DNMBP: variants seen among roughly 807,000 people sequenced by gnomAD.
The protein encoded by DNMBP is dynamin binding protein, also known as dynamin-binding protein.
In DNMBP, 87 loss-of-function variants were observed where a neutral mutation model predicts 150.0. That is an observed-to-expected ratio of 0.58 (90% confidence interval 0.49 to 0.69). The LOEUF is 0.69. Ranked by LOEUF, DNMBP falls within the 30% of genes least tolerant of loss-of-function variation. DNMBP has a pLI of 0.00. For missense variants in DNMBP, 1,774 were observed against 1,949.0 expected, an observed-to-expected ratio of 0.91 and a Z score of 1.69; for synonymous variants, 711 against 750.4, an observed-to-expected ratio of 0.95 and a Z score of 0.86.
Position 99,956,176 on chromosome 10 carries a change from A to C in DNMBP, c.1298T>G (p.Val433Gly). 3 of 1,614,104 alleles carry C rather than the reference A, an allele frequency of 1.9e-6. No individual in the cohort carries two copies. The highest frequency in any genetic ancestry group is 2.5e-6 in the Non-Finnish European group (3 of 1,180,020). The change falls in exon 4 of 17, where the codon GTG becomes GGG. Residue 433 changes from valine (V) to glycine (G), a missense_variant. Physicochemically the swap from Val to Gly is moderately radical, Grantham distance 109. Coordinates refer to ENST00000324109, the MANE Select transcript of DNMBP (RefSeq NM_015221.4). ...TTCTGAGTGCGGGTGGCTCCCTCCC[A>C]CTGTAGAATAATACTGGCTTTTCTG... ...NLQKSQYYST[V>G]GGSHPHSEQY...
At chr10:99,891,609 G>A (rs2039562659) in intron 11 of DNMBP, among the ~76,000 whole-genome samples, 3 of 151,658 alleles carry the variant, frequency 2.0e-5, no homozygotes, top group Admixed American at 1.3e-4. Flanking sequence ...TCTGGGAAGT[G>A]AGGAGTGTCT....
intron 4 of DNMBP, chr10:99,930,848 G>A: frequency 1.7e-6 from 1 of 593,294 alleles, no homozygotes; most frequent in Non-Finnish European, 3.0e-6. Flanking sequence ...CTAGCCTAAG[G>A]CTGGATTTGT....
intron 10 of DNMBP, 65 bp from the exon 11 acceptor site, chr10:99,895,115 T>C: frequency 1.1e-6 from 1 of 896,688 alleles, no homozygotes; most frequent in Non-Finnish European, 1.7e-6. Context: ...CTGGCAAAAG[T>C]AGCTTGCTTT....
At chr10:99,915,108 A>AAAAAATAT (rs10654940) in intron 4 of DNMBP, among the ~76,000 whole-genome samples, 2,706 of 99,470 alleles carry the variant, frequency 0.027, 60 homozygotes, top group South Asian at 0.062. Flanking sequence ...AAAAAAAAAA[A>AAAAAATAT]ATATATATAT....
At chr10:99,972,478 C>T (rs1487345085) in intron 1 of DNMBP, among the ~76,000 whole-genome samples, 1 of 152,152 alleles carries the variant, frequency 6.6e-6, no homozygotes, top group East Asian at 1.9e-4. Flanking sequence ...ACCATGTTGC[C>T]CAGGCTGGTC....
chr10:99,899,394 G>C (rs543170318), intron 7 of DNMBP, among the ~76,000 whole-genome samples: 1 of 152,180 alleles, frequency 6.6e-6, no homozygotes, highest in Non-Finnish European at 1.5e-5. Flanking sequence ...TTGAGGTCAG[G>C]AGTTTGAGAC....
rs116090234 is a variant in DNMBP at position 99,939,110 on chromosome 10, G to T, written c.2260+16104C>A. Among the ~76,000 whole-genome samples the T allele has an allele frequency of 8.1e-3, 1,225 of 151,490 alleles. 16 individuals carry two copies. The highest frequency in any genetic ancestry group is 0.028 in the African/African-American group (1,172 of 41,320). ...GAAGAAGGGTAAAGGAAAAAAGGGA[G>T]AAAAGTGTGCCAAAAAAAAAAAGAG... On this transcript the variant is annotated intron_variant, in intron 4 of 16. Transcript: ENST00000324109.
In DNMBP at chr10:99,889,307, C is replaced by CTCAAG. The variant is rs1186026651; in HGVS notation, c.3157-359_3157-355dup. 6 of 165,008 alleles carry CTCAAG rather than the reference C, an allele frequency of 3.6e-5. No individual in the cohort carries two copies. The Admixed American group carries it at 3.7e-4, about 10-fold the overall frequency. The allele number at this position is 165,008 out of a possible 1,614,324, so 10.2% of individuals were successfully genotyped here. On this transcript the variant is annotated intron_variant, in intron 11 of 16. Coordinates refer to ENST00000324109, the MANE Select transcript of DNMBP (RefSeq NM_015221.4). ...GATAATGACCAGTCACCTCTCCTTCCTCAAGTCTTGGTTCATGCTGTCGCC... is the reference window on the plus strand; with the variant it reads ...GATAATGACCAGTCACCTCTCCTTCCTCAAGTCAAGTCTTGGTTCATGCTGTCGCC...
intron 15 of DNMBP, among the ~76,000 whole-genome samples, chr10:99,883,201 A>G (rs1191154901): frequency 6.6e-6 from 1 of 152,198 alleles, no homozygotes; most frequent in Non-Finnish European, 1.5e-5. Context: ...ACAGATCAGT[A>G]TTATCCCTTG....
chr10:99,975,517 T>C (rs925982838), intron 1 of DNMBP, among the ~76,000 whole-genome samples: 1 of 152,182 alleles, frequency 6.6e-6, no homozygotes, highest in Non-Finnish European at 1.5e-5. Context: ...CAAGCAAAAG[T>C]AGGTTATCTT....
chr10:99,922,948 T>C (rs1019649259), intron 4 of DNMBP, among the ~76,000 whole-genome samples: 1 of 152,182 alleles, frequency 6.6e-6, no homozygotes, highest in African/African-American at 2.4e-5. Context: ...TCTTGACACT[T>C]TGAGGATCTT....
At chr10:100,006,226 G>C (rs1162797412) in intron 1 of DNMBP, among the ~76,000 whole-genome samples, 1 of 152,176 alleles carries the variant, frequency 6.6e-6, no homozygotes, top group African/African-American at 2.4e-5. Context: ...GACTGAAAAA[G>C]ACCTGATTAC....
At chr10:100,007,189 TATAC>T (rs1269963709) in intron 1 of DNMBP, among the ~76,000 whole-genome samples, 5 of 151,858 alleles carry the variant, frequency 3.3e-5, no homozygotes, top group Non-Finnish European at 7.4e-5. Flanking sequence ...CTACCACACA[TATAC>T]ATACACACAC....
At chr10:99,904,245 A>G (rs1026782597) in intron 6 of DNMBP, among the ~76,000 whole-genome samples, 1 of 151,838 alleles carries the variant, frequency 6.6e-6, no homozygotes, top group African/African-American at 2.4e-5. Context: ...ATAGCGTGAG[A>G]CTGTCTCGAA....
intron 3 of DNMBP, among the ~76,000 whole-genome samples, chr10:99,959,440 T>A (rs2040537088): frequency 6.6e-6 from 1 of 152,058 alleles, no homozygotes; most frequent in Admixed American, 6.5e-5. Context: ...GAGCCATGGC[T>A]GTGCTACTTG....
At chr10:100,007,686 A>G (rs1398528311) in intron 1 of DNMBP, among the ~76,000 whole-genome samples, 1 of 152,254 alleles carries the variant, frequency 6.6e-6, no homozygotes, top group Non-Finnish European at 1.5e-5. Flanking sequence ...TGCCTTTCAT[A>G]GCAGGGAGGA....
chr10:99,921,954 G>A (rs1387937279), intron 4 of DNMBP, among the ~76,000 whole-genome samples: 1 of 148,732 alleles, frequency 6.7e-6, no homozygotes, highest in East Asian at 2.0e-4. Context: ...GTGATGTTTT[G>A]GATTCAATGA....
At chr10:99,989,621 G>A (rs1458735612) in intron 1 of DNMBP, among the ~76,000 whole-genome samples, 2 of 152,190 alleles carry the variant, frequency 1.3e-5, no homozygotes, top group African/African-American at 4.8e-5. Flanking sequence ...TGAGACAGGA[G>A]AATCACTTGA....
chr10:99,877,103 G>A lies in DNMBP; in HGVS notation c.*48C>T. 1.4e-6 allele frequency: 2 copies of A among 1,390,710 alleles called. No individual in the cohort carries two copies. Among genetic ancestry groups the A allele is most frequent in the East Asian group, 2.7e-5 (1 of 37,448 alleles). 86.1% of individuals were successfully genotyped at this position (1,390,710 alleles called of 1,614,324 possible). A position where few individuals can be genotyped will look rare whatever the true frequency, so the allele number is the denominator to read the frequency against. ...TCTCGGTGGGCCGCCAGAACCCTCGGCGGACTGAAAGCAAAGGCAGCAAGG... is the reference window on the plus strand; with the variant it reads ...TCTCGGTGGGCCGCCAGAACCCTCGACGGACTGAAAGCAAAGGCAGCAAGG... On this transcript the variant is annotated 3_prime_UTR_variant, in exon 17 of 17. Coordinates refer to ENST00000324109, the MANE Select transcript of DNMBP (RefSeq NM_015221.4).
Sources: gnomAD v4.1 joint callset for allele counts (sites outside exome capture counted in the v4.1 genomes callset) on GRCh38, gnomAD v4.1.1 for gene constraint, MANE v1.5 for transcripts, NCBI Gene and HGNC (gene_info 2026-07-23, HGNC 2026-07-21) for gene names.